The following GSN variants were observed in gnomAD, a reference collection of about 807,000 sequenced individuals.
GSN encodes the protein actin-depolymerizing factor.
Under a neutral mutation model 85.7 loss-of-function variants are expected in GSN, and 56 were observed. The ratio of observed to expected loss-of-function variants is 0.65; its 90% CI spans 0.53 to 0.82. The LOEUF is 0.82. Ranked by LOEUF, GSN falls within the 40% of genes least tolerant of loss-of-function variation. The pLI is 0.00. For missense variants in GSN, 857 were observed against 979.8 expected, an observed-to-expected ratio of 0.87 and a Z score of 1.67; for synonymous variants, 373 against 399.1, an observed-to-expected ratio of 0.93 and a Z score of 0.78.
At chr9:121,285,978 T>C in intron 2 of GSN, 2 of 724,724 alleles carry the variant, frequency 2.8e-6, no homozygotes, top group South Asian at 1.6e-5. Context: ...TGGGTTTTAA[T>C]TGTGTTGAGG....
chr9:121,214,649 A>G (rs914187901), intron 4 of GSN, among the ~76,000 whole-genome samples: 2 of 152,214 alleles, frequency 1.3e-5, no homozygotes, highest in African/African-American at 4.8e-5. Flanking sequence ...TCCCAGGAAC[A>G]CATCATTTCT....
Position 121,299,868 on chromosome 9 carries a change from CCGCACCGCCCCGCGCCCGCGCTGCTTTG to C in GSN, c.-9-2091_-9-2064del, listed in dbSNP as rs764841269. 1.0e-4 allele frequency: 136 copies of C among 1,332,012 alleles called. 1 individual carries two copies. The East Asian group carries it at 3.8e-3, about 37-fold the overall frequency. The allele number at this position is 1,332,012 out of a possible 1,614,324, so 82.5% of individuals were successfully genotyped here. ...CCCTGCCGCTGTCGCCACCATGGCT[CCGCACCGCCCCGCGCCCGCGCTGCTTTG>C]CGCGCTGTCCCTGGCGCTGTGCGCG... On this transcript the variant is annotated intron_variant, in intron 2 of 17. Transcript: ENST00000432226. This position sits in a 1 kb window ranked among gnomAD's most constrained non-coding sequence, Gnocchi z 4.2.
chr9:121,327,173 C>T, intron 13 of GSN, 135 bp from the exon 14 acceptor site: 1 of 811,004 alleles, frequency 1.2e-6, no homozygotes, highest in Non-Finnish European at 2.2e-6. Flanking sequence ...AAAGTCTGTG[C>T]CCTCAGCTCT....
chr9:121,222,107 T>C (rs2054181708), intron 4 of GSN: 1 of 152,132 alleles, frequency 6.6e-6, no homozygotes. Context: ...TTTTTTAAGT[T>C]GCTATAAAAC....
At chr9:121,312,252 C>T (rs777251121) in intron 5 of GSN, 87 bp from the exon 6 acceptor site, 16 of 1,450,188 alleles carry the variant, frequency 1.1e-5, no homozygotes, top group Non-Finnish European at 1.5e-5. Flanking sequence ...TGAGCCTGCA[C>T]ACCACACGCC....
intron 5 of GSN, chr9:121,238,034 T>A (rs567762406): frequency 2.0e-5 from 3 of 152,218 alleles, no homozygotes; most frequent in Non-Finnish European, 4.4e-5. Flanking sequence ...AACACAAAGA[T>A]GAGGCTAGGG....
At chr9:121,256,457 C>T (rs2054962080) in intron 6 of GSN, among the ~76,000 whole-genome samples, 1 of 152,060 alleles carries the variant, frequency 6.6e-6, no homozygotes, top group South Asian at 2.1e-4. Flanking sequence ...TGTTCCCACT[C>T]ATCTGTGAGA....
rs990614030 is a variant in GSN at position 121,318,057 on chromosome 9, T to C, written c.887-349T>C. Among the ~76,000 whole-genome samples the C allele has an allele frequency of 6.6e-6, 1 of 152,210 alleles. No homozygotes were observed. Among genetic ancestry groups the C allele is most frequent in the Admixed American group, 6.5e-5 (1 of 15,274 alleles). ...GTAACCTAGGTCAAGTAATTTAATC[T>C]CTCTAAGACCCTAGCTTCCTTATAG... On this transcript the variant is annotated intron_variant, in intron 8 of 17. Transcript: ENST00000432226. The surrounding 1 kb of genome is among the most constrained non-coding windows in gnomAD (Gnocchi z 4.3).
chr9:121,269,187 A>G (rs948600633), intron 1 of GSN, among the ~76,000 whole-genome samples: 2 of 152,114 alleles, frequency 1.3e-5, no homozygotes, highest in Admixed American at 6.5e-5. Context: ...TTTGTTTGGC[A>G]TCTGGGGACT....
At chr9:121,256,144 C>T (rs1255292633) in intron 6 of GSN, among the ~76,000 whole-genome samples, 1 of 152,110 alleles carries the variant, frequency 6.6e-6, no homozygotes, top group Non-Finnish European at 1.5e-5. Flanking sequence ...AAATCAAGAG[C>T]TCACCAAGTA....
chr9:121,273,714 A>G (rs750910111), intron 1 of GSN, among the ~76,000 whole-genome samples: 1 of 152,044 alleles, frequency 6.6e-6, no homozygotes, highest in Non-Finnish European at 1.5e-5. Context: ...TTCTCATGTT[A>G]TTAAGGATTC....
Position 121,307,764 on chromosome 9 carries a change from G to T in GSN, c.352-2920G>T, listed in dbSNP as rs558333465. 2.0e-5 allele frequency among the ~76,000 whole-genome samples: 3 copies of T among 152,330 alleles called. No individual in the cohort carries two copies. In the South Asian group the frequency reaches 6.2e-4, roughly 32 times the overall value. Reference sequence around the variant, plus strand: ...CACAGCTGAGCACAGGTGAGCGCAGGTTGTTGCATTTTCTTCCCTGGCGGT... The same window carrying T: ...CACAGCTGAGCACAGGTGAGCGCAGTTTGTTGCATTTTCTTCCCTGGCGGT... On this transcript the variant is annotated intron_variant, in intron 4 of 17. Transcript: ENST00000432226.
At chr9:121,278,934 A>C (rs1165320844) in intron 1 of GSN, among the ~76,000 whole-genome samples, 1 of 152,128 alleles carries the variant, frequency 6.6e-6, no homozygotes, top group Admixed American at 6.5e-5. Flanking sequence ...GGCTCTGTGA[A>C]TGTGTGTGTG....
chr9:121,254,365 T>C (rs1164155638), intron 6 of GSN, among the ~76,000 whole-genome samples: 1 of 152,230 alleles, frequency 6.6e-6, no homozygotes, highest in African/African-American at 2.4e-5. Context: ...TTATACCATT[T>C]ACAGAGTCTC....
At chr9:121,244,941 A>G (rs1374567790) in intron 5 of GSN, among the ~76,000 whole-genome samples, 1 of 152,180 alleles carries the variant, frequency 6.6e-6, no homozygotes, top group East Asian at 1.9e-4. Context: ...CTAGGCTTCT[A>G]AAAATATAGC....
At chr9:121,268,360 T>G (rs2055373852) in intron 1 of GSN, 141 bp downstream of exon 1, 1 of 152,476 alleles carries the variant, frequency 6.6e-6, no homozygotes, top group East Asian at 1.9e-4. Flanking sequence ...GGAAAAGGGC[T>G]TCCTCGCTCA....
At chr9:121,264,482 A>G (rs2055156917), upstream of GSN, among the ~76,000 whole-genome samples, 1 of 152,194 alleles carries the variant, frequency 6.6e-6, no homozygotes, top group Non-Finnish European at 1.5e-5. Context: ...GAAATTGAGC[A>G]ATCAGTTCGT....
intron 2 of GSN, among the ~76,000 whole-genome samples, chr9:121,290,694 A>G (rs911449417): frequency 1.3e-5 from 2 of 152,252 alleles, no homozygotes; most frequent in Non-Finnish European, 2.9e-5. Context: ...TTTTGCCATT[A>G]CTTTCAATGA....
chr9:121,233,280 ATGG>A (rs767655967), intron 5 of GSN, among the ~76,000 whole-genome samples: 51 of 152,272 alleles, frequency 3.3e-4, no homozygotes, highest in Admixed American at 1.8e-3. Context: ...CCTGATTAAC[ATGG>A]TGAAACCCCG....
Sources: allele counts gnomAD v4.1 joint callset (sites outside exome capture counted in the v4.1 genomes callset), GRCh38; gene constraint gnomAD v4.1.1; non-coding constraint Gnocchi (gnomAD v3.1); transcripts MANE v1.5; gene names NCBI Gene and HGNC (gene_info 2026-07-23, HGNC 2026-07-21).